STK24: variants seen among roughly 807,000 people sequenced by gnomAD.
STK24 encodes the protein serine/threonine kinase 24.
STK24 carries 21 observed loss-of-function variants against 55.6 expected under a neutral mutation model. The observed-to-expected ratio is 0.38, with a 90% confidence interval of 0.27 to 0.54. STK24 has a LOEUF of 0.54. Ranked by LOEUF, STK24 falls within the 20% of genes least tolerant of loss-of-function variation. STK24 has a pLI of 0.79. For missense variants in STK24, 383 were observed against 538.4 expected (o/e 0.71, Z 2.86); for synonymous variants, 200 against 215.2 (o/e 0.93, Z 0.62).
intron 2 of STK24, among the ~76,000 whole-genome samples, chr13:98,510,778 G>GT (rs1444568629): frequency 6.6e-6 from 1 of 152,202 alleles, no homozygotes; most frequent in Non-Finnish European, 1.5e-5. Flanking sequence ...ATGATGATGG[G>GT]TAGAGTATCT....
chr13:98,483,152 G>A (rs1319132182), intron 2 of STK24, among the ~76,000 whole-genome samples: 7 of 152,352 alleles, frequency 4.6e-5, no homozygotes, highest in East Asian at 3.9e-4. Context: ...TGCAGGGCAC[G>A]GGGCAGCCTG....
In STK24 at chr13:98,448,640, A is replaced by T; in HGVS notation, c.*4533T>A. 3.9e-6 allele frequency: 1 copy of T among 256,854 alleles called. No individual in the cohort carries two copies. Among genetic ancestry groups the T allele is most frequent in the Admixed American group, 5.2e-5 (1 of 19,368 alleles). The allele number at this position is 256,854 out of a possible 1,614,324, so 15.9% of individuals were successfully genotyped here. On this transcript the variant is annotated 3_prime_UTR_variant, in exon 11 of 11. Transcript: ENST00000539966. ...AAAAACAGTACACACACATCCGTTC[A>T]ACACAAGACAGGGCAAGTGTTTTTC...
At chr13:98,533,328 C>T (rs1306237593) in intron 1 of STK24, among the ~76,000 whole-genome samples, 34 of 152,240 alleles carry the variant, frequency 2.2e-4, no homozygotes. Flanking sequence ...CACTGCACTC[C>T]AGCCTGGGTG....
Position 98,489,074 on chromosome 13 carries a change from C to CTTAA in STK24, c.274-6757_274-6754dup, listed in dbSNP as rs1200906342. On this transcript the variant is annotated intron_variant, in intron 2 of 10. Coordinates refer to ENST00000539966, the MANE Select transcript of STK24 (RefSeq NM_001032296.4). ...CAGATGACGCATGTGGCCTCAAAGC[C>CTTAA]TTAAGGCCTGGTTTGCATCCAGGCT... Among the ~76,000 whole-genome samples, 3 of 152,324 alleles carry CTTAA rather than the reference C, an allele frequency of 2.0e-5. No individual in the cohort carries two copies. In the East Asian group the frequency reaches 5.8e-4, roughly 29 times the overall value.
intron 1 of STK24, among the ~76,000 whole-genome samples, chr13:98,539,073 C>A (rs954251644): frequency 1.3e-5 from 2 of 152,204 alleles, no homozygotes; most frequent in African/African-American, 4.8e-5. Flanking sequence ...CAGCAGAGCA[C>A]CCGCTGTTTC....
intron 9 of STK24, among the ~76,000 whole-genome samples, chr13:98,457,957 C>T (rs1893537364): frequency 6.6e-6 from 1 of 152,166 alleles, no homozygotes; most frequent in African/African-American, 2.4e-5. Flanking sequence ...CAACCATAAC[C>T]TTGTACCAGA....
chr13:98,479,553 A>C (rs1330870097), intron 3 of STK24, among the ~76,000 whole-genome samples: 1 of 152,126 alleles, frequency 6.6e-6, no homozygotes, highest in Admixed American at 6.5e-5. Context: ...TCAAGTCCTA[A>C]AGCCTCTCTG....
chr13:98,473,713 A>G (rs1288230105), intron 5 of STK24, among the ~76,000 whole-genome samples: 3 of 152,218 alleles, frequency 2.0e-5, no homozygotes, highest in East Asian at 1.9e-4. Flanking sequence ...CAAGGCCATC[A>G]TAGTGCTCAG....
intron 6 of STK24, among the ~76,000 whole-genome samples, chr13:98,465,431 A>T (rs7988345): frequency 1.3e-5 from 2 of 152,088 alleles, no homozygotes; most frequent in African/African-American, 4.8e-5. Context: ...ATGCCTGCAC[A>T]CATCTCCACT....
chr13:98,569,824 A>G (rs537967617), intron 1 of STK24, among the ~76,000 whole-genome samples: 13 of 150,310 alleles, frequency 8.6e-5, no homozygotes, highest in Middle Eastern at 3.4e-3. Flanking sequence ...CGCAGGGTCC[A>G]AAGTCTATAG....
chr13:98,490,840 A>C (rs7339014), intron 2 of STK24, among the ~76,000 whole-genome samples: 7 of 152,068 alleles, frequency 4.6e-5, no homozygotes, highest in South Asian at 4.2e-4. Flanking sequence ...TAAAAAAAAA[A>C]AAAAAACAGA....
chr13:98,475,082 C>A, intron 4 of STK24, 104 bp from the exon 5 acceptor site: 1 of 1,465,626 alleles, frequency 6.8e-7, no homozygotes, highest in Non-Finnish European at 9.1e-7. Context: ...CCACCGAGCA[C>A]AGGCACCGGG....
At chr13:98,530,918 T>C (rs1042590392) in intron 1 of STK24, among the ~76,000 whole-genome samples, 1 of 152,206 alleles carries the variant, frequency 6.6e-6, no homozygotes, top group African/African-American at 2.4e-5. Flanking sequence ...ACTGAGAATA[T>C]ACGAGGTACA....
intron 1 of STK24, among the ~76,000 whole-genome samples, chr13:98,567,042 C>T (rs1364853447): frequency 1.3e-5 from 2 of 152,178 alleles, no homozygotes; most frequent in African/African-American, 2.4e-5. Context: ...CTCAATGGTT[C>T]GTTGCTGTAA....
intron 3 of STK24, among the ~76,000 whole-genome samples, chr13:98,477,031 T>C (rs1181418473): frequency 2.0e-5 from 3 of 152,212 alleles, no homozygotes; most frequent in Non-Finnish European, 4.4e-5. Flanking sequence ...CAAATTCCAA[T>C]TAAGATATTG....
intron 2 of STK24, among the ~76,000 whole-genome samples, chr13:98,504,549 CTCTT>C: frequency 6.6e-6 from 1 of 152,322 alleles, no homozygotes; most frequent in African/African-American, 2.4e-5. Flanking sequence ...GGGAAATAGA[CTCTT>C]TCAACTTGTC....
intron 2 of STK24, among the ~76,000 whole-genome samples, chr13:98,486,907 G>A (rs528563296): frequency 1.4e-4 from 22 of 152,262 alleles, no homozygotes; most frequent in East Asian, 7.7e-4. Flanking sequence ...GAATCAGATC[G>A]GTGCTTCCAA....
intron 1 of STK24, among the ~76,000 whole-genome samples, chr13:98,545,628 C>A: frequency 1.0e-5 from 1 of 96,610 alleles, no homozygotes; most frequent in African/African-American, 3.6e-5. Context: ...AGCAAAACTC[C>A]ATCTCAAAAA....
rs1897870696 is a variant in STK24 at position 98,575,637 on chromosome 13, C to T, written c.42+1108G>A. 2.0e-5 allele frequency among the ~76,000 whole-genome samples: 3 copies of T among 152,170 alleles called. No homozygotes were observed. In the South Asian group the frequency reaches 6.2e-4, roughly 32 times the overall value. ...GGTCTGGGCTCTGTGCTTCTCAGCCCTCAAGACACAGGGAAGGAGCCTGTT... is the reference window on the plus strand; with the variant it reads ...GGTCTGGGCTCTGTGCTTCTCAGCCTTCAAGACACAGGGAAGGAGCCTGTT... On this transcript the variant is annotated intron_variant, in intron 1 of 10. Coordinates refer to ENST00000539966, the MANE Select transcript of STK24 (RefSeq NM_001032296.4).
Sources: allele counts gnomAD v4.1 joint callset (sites outside exome capture counted in the v4.1 genomes callset), GRCh38; gene constraint gnomAD v4.1.1; transcripts MANE v1.5; gene names NCBI Gene and HGNC (gene_info 2026-07-23, HGNC 2026-07-21).